The following HDAC8 variants were observed in gnomAD, a reference collection of about 807,000 sequenced individuals.
HDAC8 encodes histone deacetylase-like 1.
HDAC8 carries 1 observed loss-of-function variant against 32.2 expected under a neutral mutation model. The observed-to-expected ratio is 0.03, with a 90% CI of 0.01 to 0.15. HDAC8 has a LOEUF of 0.15. Ranked by LOEUF, HDAC8 falls within the 10% of genes least tolerant of loss-of-function variation. HDAC8 has a pLI of 1.00. For missense variants in HDAC8, 117 were observed against 300.0 expected, an observed-to-expected ratio of 0.39 and a Z score of 4.51; for synonymous variants, 108 against 113.9, an observed-to-expected ratio of 0.95 and a Z score of 0.33.
intron 10 of HDAC8, among the ~76,000 whole-genome samples, chrX:72,350,137 AAGGGAGG>A (rs1270793172): frequency 1.8e-5 from 2 of 110,952 alleles, no homozygotes; most frequent in African/African-American, 6.6e-5. Context: ...AAAGTTGGAT[AAGGGAGG>A]AGGATTTTGT....
At chrX:72,384,058 C>T (rs1287594035) in intron 9 of HDAC8, among the ~76,000 whole-genome samples, 9 of 110,816 alleles carry the variant, frequency 8.1e-5, no homozygotes, top group Non-Finnish European at 1.7e-4. Context: ...TGGAGTCAGG[C>T]AGGCCTGAGT....
intron 9 of HDAC8, among the ~76,000 whole-genome samples, chrX:72,437,125 C>CAGGTACCT (rs2046973565): frequency 9.0e-6 from 1 of 111,478 alleles, no homozygotes; most frequent in African/African-American, 3.3e-5. Flanking sequence ...TTCTGCATTT[C>CAGGTACCT]CAACTGAGGT....
intron 4 of HDAC8, among the ~76,000 whole-genome samples, chrX:72,527,130 T>G (rs7062802): frequency 0.02 from 2,219 of 112,087 alleles, 54 homozygotes; most frequent in African/African-American, 0.066. Context: ...ATTTCCAGCC[T>G]CATCTCTTGC....
At chrX:72,345,678 A>T (rs1309310250) in intron 10 of HDAC8, among the ~76,000 whole-genome samples, 1 of 111,144 alleles carries the variant, frequency 9.0e-6, no homozygotes, top group Non-Finnish European at 1.9e-5. Context: ...TTATTTTAGG[A>T]TTAAAAAAAA....
chrX:72,481,121 A>G (rs1160571877), intron 7 of HDAC8, among the ~76,000 whole-genome samples: 5 of 111,171 alleles, frequency 4.5e-5, no homozygotes, highest in African/African-American at 1.6e-4. Flanking sequence ...GGGAAGCCTC[A>G]GGAAACTTAC....
intron 4 of HDAC8, among the ~76,000 whole-genome samples, chrX:72,560,138 A>T (rs1281759260): frequency 8.9e-6 from 1 of 112,392 alleles, no homozygotes; most frequent in African/African-American, 3.2e-5. Flanking sequence ...AAATGTGGGG[A>T]AAAGATAGAG....
chrX:72,338,511 G>T (rs1244556629), intron 10 of HDAC8, among the ~76,000 whole-genome samples: 1 of 108,518 alleles, frequency 9.2e-6, no homozygotes, highest in East Asian at 2.8e-4. Context: ...TGGAGGTTGG[G>T]TGGCACCACA....
chrX:72,470,339 G>T (rs1555996993), intron 7 of HDAC8, among the ~76,000 whole-genome samples: 1 of 111,053 alleles, frequency 9.0e-6, no homozygotes, highest in Non-Finnish European at 1.9e-5. Flanking sequence ...TCTCATACTG[G>T]ACGGAACTGG....
chrX:72,351,254 T>C (rs1827081785), intron 10 of HDAC8: 1 of 190,537 alleles, frequency 5.2e-6, no homozygotes. Flanking sequence ...CATATGCCAC[T>C]ATGCCTGGCT....
chrX:72,524,537 G>C (rs1556030646), intron 4 of HDAC8, among the ~76,000 whole-genome samples: 1 of 111,894 alleles, frequency 8.9e-6, no homozygotes, highest in African/African-American at 3.2e-5. Flanking sequence ...TGCAGAGAAA[G>C]GGTTGGAGTC....
At position 72,495,277 on chromosome X, in the gene HDAC8, A is replaced by G; in HGVS notation, c.438-9T>C. On this transcript the variant is annotated splice_polypyrimidine_tract_variant and intron_variant, in intron 4 of 10. Coordinates refer to ENST00000373573, the MANE Select transcript of HDAC8 (RefSeq NM_018486.3). ...AACCAGATGCTTCATCTCTGTAAGAAAACAAGTTGCTACAGCCAACAGCCA... is the reference window on the plus strand; with the variant it reads ...AACCAGATGCTTCATCTCTGTAAGAGAACAAGTTGCTACAGCCAACAGCCA... The G allele has an allele frequency of 8.7e-7, 1 of 1,150,301 alleles. No individual in the cohort carries two copies. Among genetic ancestry groups the G allele is most frequent in the South Asian group, 1.8e-5 (1 of 54,206 alleles). The allele number at this position is 1,150,301 out of a possible 1,213,427, so 94.8% of individuals were successfully genotyped here.
intron 10 of HDAC8, among the ~76,000 whole-genome samples, chrX:72,339,197 C>G (rs782167056): frequency 9.0e-6 from 1 of 111,432 alleles, no homozygotes; most frequent in Non-Finnish European, 1.9e-5. Context: ...TATGCACCCC[C>G]GCTCTCATCC....
At chrX:72,370,124 C>T (rs2044825706) in intron 9 of HDAC8, among the ~76,000 whole-genome samples, 2 of 112,290 alleles carry the variant, frequency 1.8e-5, no homozygotes, top group Non-Finnish European at 3.8e-5. Context: ...TATCCTGAAG[C>T]TCCTAGGGTT....
intron 9 of HDAC8, among the ~76,000 whole-genome samples, chrX:72,448,790 AAAG>A (rs1188776176): frequency 1.8e-5 from 2 of 112,855 alleles, no homozygotes; most frequent in Non-Finnish European, 3.7e-5. Context: ...ACACTTCTCT[AAAG>A]AAGACATTTA....
chrX:72,408,699 C>A (rs1366545324), intron 9 of HDAC8, among the ~76,000 whole-genome samples: 1 of 112,179 alleles, frequency 8.9e-6, no homozygotes, highest in Non-Finnish European at 1.9e-5. Context: ...AGCCACTGTA[C>A]CTGGCCGGGG....
rs2045303178 is a variant in HDAC8 at position 72,382,834 on chromosome X, A to G, written c.1006-30996T>C. ...TGGTAATGGTTGCATAACTTTGTGA[A>G]TATACTAAAACCCACTGAATTGCAC... On this transcript the variant is annotated intron_variant, in intron 9 of 10. Coordinates refer to ENST00000373573, the MANE Select transcript of HDAC8 (RefSeq NM_018486.3). Among the ~76,000 whole-genome samples, 3 of 111,892 alleles carry G rather than the reference A, an allele frequency of 2.7e-5. No homozygotes were observed. The Admixed American group carries it at 2.8e-4, about 11-fold the overall frequency.
At chrX:72,566,999 G>A in intron 4 of HDAC8, among the ~76,000 whole-genome samples, 1 of 112,055 alleles carries the variant, frequency 8.9e-6, no homozygotes, top group Admixed American at 9.4e-5. Flanking sequence ...ACAAAAATTA[G>A]CTGGGCATGA....
chrX:72,357,308 G>GGA (rs1219381885), intron 9 of HDAC8, among the ~76,000 whole-genome samples: 2 of 108,399 alleles, frequency 1.8e-5, no homozygotes, highest in Non-Finnish European at 3.8e-5. Flanking sequence ...TCTTAGTTTA[G>GGA]GAGAGAGGTT....
chrX:72,349,026 C>T (rs781924963), intron 10 of HDAC8, among the ~76,000 whole-genome samples: 1 of 112,314 alleles, frequency 8.9e-6, no homozygotes, highest in Non-Finnish European at 1.9e-5. Flanking sequence ...GACCTCATGC[C>T]TTTCTAGGCA....
Sources: gnomAD v4.1 joint callset for allele counts (sites outside exome capture counted in the v4.1 genomes callset) on GRCh38, gnomAD v4.1.1 for gene constraint, MANE v1.5 for transcripts, NCBI Gene and HGNC (gene_info 2026-07-23, HGNC 2026-07-21) for gene names.